The following ANKMY1 variants were observed in gnomAD, a reference collection of about 807,000 sequenced individuals.
ANKMY1 encodes the protein ankyrin repeat and MYND domain containing 1.
ANKMY1 carries 98 observed loss-of-function variants against 102.0 expected under a neutral mutation model. The ratio of observed to expected loss-of-function variants is 0.96; its 90% CI spans 0.82 to 1.14. The LOEUF (loss-of-function observed/expected upper bound fraction) is 1.14. ANKMY1 is among the 50% of genes most tolerant of loss of function. The pLI is 0.00. For missense variants in ANKMY1, 1,330 were observed against 1,347.6 expected (o/e 0.99, Z 0.20); for synonymous variants, 582 against 559.9 (o/e 1.04, Z -0.56).
At position 240,489,848 on chromosome 2, in the gene ANKMY1, C is replaced by A. The variant is rs188151672; in HGVS notation, c.2807-7587G>T. ...TTCAGGAGGATTGGTATTAGTTCTT[C>A]TTTATATATTTGGTAGAATTCAGCT... On this transcript the variant is annotated intron_variant, in intron 15 of 17. Transcript: ENST00000401804. Among the ~76,000 whole-genome samples, 6 of 152,280 alleles carry A rather than the reference C, an allele frequency of 3.9e-5. No homozygotes were observed. The East Asian group carries it at 1.2e-3, about 29-fold the overall frequency.
rs538090700 is a variant in ANKMY1, at chr2:240,486,904, A to ATAT, written c.2807-4646_2807-4644dup. Among the ~76,000 whole-genome samples, 444 of 152,144 alleles carry ATAT rather than the reference A, an allele frequency of 2.9e-3. 3 individuals are homozygous for ATAT. Among genetic ancestry groups the ATAT allele is most frequent in the Non-Finnish European group, 4.7e-3 (320 of 68,000 alleles). On this transcript the variant is annotated intron_variant, in intron 15 of 17. Coordinates refer to ENST00000401804, the MANE Select transcript of ANKMY1 (RefSeq NM_001282771.3). ...CATCCTTTTATTATTATTTACACAA[A>ATAT]TATTATTATTATTATTTACACAAAT... is the stretch of plus-strand genomic sequence containing the variant.
chr2:240,505,349 C>T (rs902798887), intron 13 of ANKMY1, among the ~76,000 whole-genome samples: 11 of 151,720 alleles, frequency 7.3e-5, no homozygotes, highest in African/African-American at 2.7e-4. Flanking sequence ...GTAATCCCAG[C>T]TACTCGGGAG....
rs1031638179 is a variant in ANKMY1 at position 240,482,097 on chromosome 2, G to T, written c.2885+86C>A. The T allele has an allele frequency of 2.1e-6, 3 of 1,434,286 alleles. No individual in the cohort carries two copies. In the African/African-American group the frequency reaches 4.3e-5, roughly 21 times the overall value. 88.8% of individuals were successfully genotyped at this position (1,434,286 alleles called of 1,614,324 possible). A position where few individuals can be genotyped will look rare whatever the true frequency, so the allele number is the denominator to read the frequency against. On this transcript the variant is annotated intron_variant, in intron 16 of 17. Transcript: ENST00000401804. ...TCAGATGGCATGGAGGCTGTCCCGG[G>T]ATGAGGTGGTCAGGCCAGGCACAAC...
intron 15 of ANKMY1, among the ~76,000 whole-genome samples, chr2:240,486,267 T>A (rs919891269): frequency 6.6e-5 from 10 of 152,164 alleles, no homozygotes; most frequent in African/African-American, 2.4e-4. Context: ...ATAATACATT[T>A]CTATATGTTA....
intron 3 of ANKMY1, chr2:240,553,419 G>T: frequency 3.9e-6 from 1 of 254,118 alleles, no homozygotes; most frequent in Non-Finnish European, 7.8e-6. Context: ...ATGCTGCTGA[G>T]CTCCCTGCCA....
chr2:240,506,871 G>C lies in ANKMY1; in HGVS notation c.2526+689C>G, dbSNP rs1047981357. ...AGCCACATGGGAGGGACACTCCAGG[G>C]ACGTGCCTAGGGCTCAGGACAGAAG... On this transcript the variant is annotated intron_variant, in intron 13 of 17. Transcript: ENST00000401804. The surrounding 1 kb of genome is among the most constrained non-coding windows in gnomAD (Gnocchi z 4.9). Among the ~76,000 whole-genome samples the C allele has an allele frequency of 2.6e-5, 4 of 152,162 alleles. No homozygotes were observed. Among genetic ancestry groups the C allele is most frequent in the Non-Finnish European group, 5.9e-5 (4 of 68,030 alleles).
the ANKMY1 span, among the ~76,000 whole-genome samples, chr2:240,473,548 C>G: frequency 2.0e-5 from 3 of 146,844 alleles, no homozygotes; most frequent in Non-Finnish European, 4.5e-5. Flanking sequence ...CTACGGAGAC[C>G]AACAAGAAAA....
At chr2:240,519,938 G>C in intron 9 of ANKMY1, 1 of 284,446 alleles carries the variant, frequency 3.5e-6, no homozygotes, top group Non-Finnish European at 7.6e-6. Flanking sequence ...ATATTTTGCG[G>C]CTGGATCTGT....
chr2:240,550,779 C>T (rs1264353469), intron 4 of ANKMY1, among the ~76,000 whole-genome samples: 1 of 152,048 alleles, frequency 6.6e-6, no homozygotes, highest in African/African-American at 2.4e-5. Flanking sequence ...ATGTTGTCAA[C>T]AATAGTTAAT....
intron 1 of ANKMY1, 35 bp downstream of exon 1, chr2:240,557,846 C>T (rs892727437): frequency 3.9e-5 from 38 of 981,776 alleles, no homozygotes; most frequent in East Asian, 1.1e-4. Context: ...ATCCCCCTAG[C>T]CCCGGCTCCC....
At chr2:240,509,282 G>T (rs965703281) in intron 12 of ANKMY1, 66 bp downstream of exon 12, 4 of 1,307,076 alleles carry the variant, frequency 3.1e-6, no homozygotes, top group African/African-American at 3.0e-5. Context: ...ATGACGGACT[G>T]GTGGGGTGGG....
Position 240,524,281 on chromosome 2 carries a change from C to T in ANKMY1, c.1436G>A (p.Ser479Asn). 6.2e-7 allele frequency: 1 copy of T among 1,613,874 alleles called. No homozygotes were observed. Among genetic ancestry groups the T allele is most frequent in the Non-Finnish European group, 8.5e-7 (1 of 1,180,040 alleles). ...YYEVNVPSQG[S>N]YELRPPPAPL... is the part of the protein sequence containing the mutation. ...TGCTGGCGGTGGCCTCAGCTCATAGCTACCCTGGGAAGGCACGTTCACCTC... is the reference window on the plus strand; with the variant it reads ...TGCTGGCGGTGGCCTCAGCTCATAGTTACCCTGGGAAGGCACGTTCACCTC... Residue 479 changes from serine to asparagine, a missense_variant, in exon 8 of 18, where the codon AGC (serine) becomes AAC (asparagine). By Grantham distance (46) the Ser-to-Asn change is conservative. Coordinates refer to ENST00000401804, the MANE Select transcript of ANKMY1 (RefSeq NM_001282771.3).
Position 240,499,239 on chromosome 2 carries a change from G to A in ANKMY1, c.2806+719C>T, listed in dbSNP as rs1022834251. ...AACACGTGACAGGTTTTTATGTGAG[G>A]AGAGGATGGCTGTGGGTATCAGTGT... On this transcript the variant is annotated intron_variant, in intron 15 of 17. Transcript: ENST00000401804. The surrounding 1 kb of genome is among the most constrained non-coding windows in gnomAD (Gnocchi z 4.2). Among the ~76,000 whole-genome samples the A allele has an allele frequency of 1.3e-5, 2 of 151,890 alleles. No homozygotes were observed. Among genetic ancestry groups the A allele is most frequent in the Admixed American group, 1.3e-4 (2 of 15,264 alleles).
In ANKMY1 at chr2:240,524,036, C is replaced by T. The variant is rs3821348; in HGVS notation, c.1681G>A (p.Val561Met). 5.6e-6 allele frequency: 9 copies of T among 1,613,830 alleles called. No homozygotes were observed. The highest frequency in any genetic ancestry group is 4.5e-5 in the East Asian group (2 of 44,882). Residue 561 changes from valine (V) to methionine (M), a missense_variant, in exon 8 of 18, where the codon GTG becomes ATG. By Grantham distance (21) the Val-to-Met change is conservative. Transcript: ENST00000401804. ...CSAETKFESN[V>M]CVCDFSIELS... ...TCGATGGAGAAGTCGCACACACACA[C>T]GTTGGACTCAAATTTCGTCTCAGCA...
upstream of ANKMY1, chr2:240,561,061 T>A (rs1192937841): frequency 1.3e-6 from 2 of 1,493,036 alleles, no homozygotes; most frequent in Non-Finnish European, 1.8e-6. Context: ...GGCCTCAGCC[T>A]GGCGAAGGCC....
chr2:240,537,977 C>T (rs2087314059), intron 4 of ANKMY1, among the ~76,000 whole-genome samples: 1 of 152,250 alleles, frequency 6.6e-6, no homozygotes, highest in African/African-American at 2.4e-5. Context: ...CATTGTCTTC[C>T]ACCACGTGGC....
intron 4 of ANKMY1, among the ~76,000 whole-genome samples, chr2:240,543,239 G>T (rs2089460344): frequency 6.6e-6 from 1 of 151,756 alleles, no homozygotes; most frequent in Non-Finnish European, 1.5e-5. Flanking sequence ...TGTAGTCCCA[G>T]CTACTCGGGA....
intron 14 of ANKMY1, 145 bp downstream of exon 14, chr2:240,500,307 T>G (rs1559259613): frequency 1.8e-5 from 20 of 1,132,164 alleles, no homozygotes; most frequent in Non-Finnish European, 2.5e-5. Flanking sequence ...TTTGGGGGGT[T>G]CACCTCTGCA....
chr2:240,479,658 G>T lies in ANKMY1; in HGVS notation c.3047-3C>A. 2 of 1,613,476 alleles carry T rather than the reference G, an allele frequency of 1.2e-6. No individual in the cohort carries two copies. The highest frequency in any genetic ancestry group is 1.1e-5 in the South Asian group (1 of 91,076). ...GGAAACTTGCTCCAGTTGTGTCACT[G>T]GAGGAGGAAAAGGTGTGGGGGAGGG... On this transcript the variant is annotated splice_region_variant and splice_polypyrimidine_tract_variant and intron_variant, in intron 17 of 17. Coordinates refer to ENST00000401804, the MANE Select transcript of ANKMY1 (RefSeq NM_001282771.3).
Sources: allele counts gnomAD v4.1 joint callset (sites outside exome capture counted in the v4.1 genomes callset), GRCh38; gene constraint gnomAD v4.1.1; non-coding constraint Gnocchi (gnomAD v3.1); transcripts MANE v1.5; gene names NCBI Gene and HGNC (gene_info 2026-07-23, HGNC 2026-07-21).